Variants in TRAPPC9 observed in about 807,000 individuals in gnomAD.
The protein encoded by TRAPPC9 is IKK2 binding protein.
A neutral mutation model predicts 124.0 loss-of-function variants in TRAPPC9; 83 were observed. The ratio of observed to expected loss-of-function variants is 0.67; its 90% CI spans 0.56 to 0.80. The LOEUF (loss-of-function observed/expected upper bound fraction) is 0.80, where lower values mean the gene tolerates loss of function less well. Among genes scored for constraint, TRAPPC9 ranks in the 30% least tolerant of loss-of-function variants. The probability of loss-of-function intolerance (pLI) is 0.00; values close to 1 mark genes in which losing one functional copy is unlikely to be tolerated. For synonymous variants in TRAPPC9, 638 were observed against 617.5 expected, an observed-to-expected ratio of 1.03 and a Z score of -0.49; for missense variants, 1,302 against 1,508.3, an observed-to-expected ratio of 0.86 and a Z score of 2.27.
chr8:139,788,607 CG>C lies in TRAPPC9; in HGVS notation c.3056-56406del, dbSNP rs1563813428. On this transcript the variant is annotated intron_variant, in intron 21 of 22. Coordinates refer to ENST00000438773, the MANE Select transcript of TRAPPC9 (RefSeq NM_001160372.4). The surrounding 1 kb of genome is among the most constrained non-coding windows in gnomAD (Gnocchi z 4.9). The stretch of plus-strand genomic sequence containing the variant: ...CCACTCCACGACAGCCCATGAAGAA[CG>C]GTACCCACCCCCGCCCCCGTGTGAG... 6.6e-6 allele frequency among the ~76,000 whole-genome samples: 1 copy of C among 152,194 alleles called. No homozygotes were observed. Among genetic ancestry groups the C allele is most frequent in the African/African-American group, 2.4e-5 (1 of 41,446 alleles).
intron 17 of TRAPPC9, among the ~76,000 whole-genome samples, chr8:140,193,484 C>T (rs903296856): frequency 6.6e-6 from 1 of 152,064 alleles, no homozygotes; most frequent in Non-Finnish European, 1.5e-5. Context: ...CAAAGTTGAG[C>T]TGAAAACATA....
intron 7 of TRAPPC9, among the ~76,000 whole-genome samples, chr8:140,382,093 T>C (rs1348391861): frequency 6.6e-6 from 1 of 152,184 alleles, no homozygotes; most frequent in Non-Finnish European, 1.5e-5. Context: ...AACCAATGCA[T>C]GGATAAATAA....
intron 19 of TRAPPC9, among the ~76,000 whole-genome samples, chr8:139,935,417 T>A (rs1833446864): frequency 6.6e-6 from 1 of 152,138 alleles, no homozygotes; most frequent in South Asian, 2.1e-4. Context: ...AGAAAAAACG[T>A]CTATCCCATG....
intron 21 of TRAPPC9, among the ~76,000 whole-genome samples, chr8:139,765,546 G>A (rs1309792581): frequency 2.0e-5 from 3 of 152,224 alleles, no homozygotes; most frequent in South Asian, 4.1e-4. Context: ...GAACAGTTTA[G>A]AAATAGGCAA....
chr8:140,259,156 G>A (rs905897484), intron 15 of TRAPPC9, among the ~76,000 whole-genome samples: 1 of 152,090 alleles, frequency 6.6e-6, no homozygotes, highest in African/African-American at 2.4e-5. Context: ...CTTCACCCCT[G>A]TGCCCTAGTT....
At chr8:140,178,494 C>A (rs575811167) in intron 17 of TRAPPC9, among the ~76,000 whole-genome samples, 1 of 152,010 alleles carries the variant, frequency 6.6e-6, no homozygotes, top group South Asian at 2.1e-4. Flanking sequence ...ATGCTGCATT[C>A]TTTTTCTTCT....
At chr8:140,056,721 C>T (rs1164316886) in intron 17 of TRAPPC9, among the ~76,000 whole-genome samples, 2 of 152,008 alleles carry the variant, frequency 1.3e-5, no homozygotes, top group African/African-American at 4.8e-5. Context: ...AAGAAGAAAA[C>T]ATAAGGGAAA....
chr8:140,062,956 A>G (rs966408607), intron 17 of TRAPPC9, among the ~76,000 whole-genome samples: 11 of 152,142 alleles, frequency 7.2e-5, no homozygotes, highest in African/African-American at 2.4e-4. Flanking sequence ...GGTTTAATTG[A>G]GAGTTTAGCA....
At chr8:140,113,584 A>C (rs1325373879) in intron 17 of TRAPPC9, among the ~76,000 whole-genome samples, 4 of 152,168 alleles carry the variant, frequency 2.6e-5, no homozygotes, top group African/African-American at 9.7e-5. Flanking sequence ...CTGGGCGTGG[A>C]GAAGTCAGGG....
chr8:139,939,747 AGTAT>A (rs1415951798), intron 19 of TRAPPC9, among the ~76,000 whole-genome samples: 1 of 152,226 alleles, frequency 6.6e-6, no homozygotes, highest in Non-Finnish European at 1.5e-5. Context: ...TGGCTTATTC[AGTAT>A]TGCCCAAAAC....
chr8:140,379,195 G>A (rs2068532674), intron 7 of TRAPPC9, among the ~76,000 whole-genome samples: 1 of 152,014 alleles, frequency 6.6e-6, no homozygotes, highest in South Asian at 2.1e-4. Flanking sequence ...TTTTTACCAG[G>A]GCAGCCTGGT....
intron 21 of TRAPPC9, among the ~76,000 whole-genome samples, chr8:139,759,857 C>T (rs367798002): frequency 6.6e-6 from 1 of 152,256 alleles, no homozygotes; most frequent in Admixed American, 6.5e-5. Flanking sequence ...CCCAGGGCAG[C>T]GCAGCCTGCC....
chr8:140,278,192 C>T (rs2065187843), intron 14 of TRAPPC9, among the ~76,000 whole-genome samples: 1 of 152,194 alleles, frequency 6.6e-6, no homozygotes, highest in Admixed American at 6.5e-5. Flanking sequence ...CAACCTCTGC[C>T]TCCCGGGTTC....
At chr8:140,160,061 C>T (rs1262577781) in intron 17 of TRAPPC9, among the ~76,000 whole-genome samples, 1 of 152,146 alleles carries the variant, frequency 6.6e-6, no homozygotes, top group Non-Finnish European at 1.5e-5. Flanking sequence ...ATCATCACTG[C>T]TCATTAGAGA....
rs186596178 is a variant in TRAPPC9 at position 140,443,231 on chromosome 8, C to G, written c.585-4034G>C. Among the ~76,000 whole-genome samples the G allele has an allele frequency of 3.3e-3, 451 of 136,598 alleles. 7 individuals are homozygous for G. In the Middle Eastern group the frequency reaches 0.047, roughly 14 times the overall value. The allele number at this position is 136,598 out of a possible 152,430, so 89.6% of individuals were successfully genotyped here. ...CGGGCAGATCACAAAGTCAGGAGAT[C>G]GAGACCATCCTGGCTAACATGATGA... On this transcript the variant is annotated intron_variant, in intron 2 of 22. Coordinates refer to ENST00000438773, the MANE Select transcript of TRAPPC9 (RefSeq NM_001160372.4).
intron 19 of TRAPPC9, among the ~76,000 whole-genome samples, chr8:139,973,874 T>C (rs1836264870): frequency 6.6e-6 from 1 of 152,086 alleles, no homozygotes; most frequent in Non-Finnish European, 1.5e-5. Flanking sequence ...GTCAAGCTAC[T>C]GCCATCCCTC....
intron 21 of TRAPPC9, among the ~76,000 whole-genome samples, chr8:139,861,654 C>T (rs1038344612): frequency 1.3e-5 from 2 of 152,210 alleles, no homozygotes; most frequent in African/African-American, 4.8e-5. Flanking sequence ...TTAACATGCT[C>T]TGCACTTTTC....
chr8:140,332,525 C>A (rs2066920747), intron 9 of TRAPPC9, among the ~76,000 whole-genome samples: 1 of 152,014 alleles, frequency 6.6e-6, no homozygotes, highest in Admixed American at 6.6e-5. Context: ...TTGCAAAGTA[C>A]CCTGAATTGA....
At chr8:139,792,004 C>T (rs1210696607) in intron 21 of TRAPPC9, among the ~76,000 whole-genome samples, 1 of 152,210 alleles carries the variant, frequency 6.6e-6, no homozygotes, top group African/African-American at 2.4e-5. Context: ...GCACACGTCA[C>T]CTCCCACAGG....
Sources: gnomAD v4.1 joint callset for allele counts (sites outside exome capture counted in the v4.1 genomes callset) on GRCh38, gnomAD v4.1.1 for gene constraint, Gnocchi (gnomAD v3.1) non-coding constraint, MANE v1.5 for transcripts, NCBI Gene and HGNC (gene_info 2026-07-23, HGNC 2026-07-21) for gene names.